Variants in LMBR1 observed in about 807,000 individuals in gnomAD.
LMBR1 encodes the protein limb development membrane protein 1, also known as limb region 1 protein homolog.
A neutral mutation model predicts 73.9 loss-of-function variants in LMBR1; 52 were observed. The observed-to-expected ratio is 0.70, with a 90% CI of 0.56 to 0.89. LMBR1 has a LOEUF of 0.89. Ranked by LOEUF, LMBR1 falls within the 40% of genes least tolerant of loss-of-function variation. The probability of loss-of-function intolerance (pLI) is 0.00; values close to 1 mark genes in which losing one functional copy is unlikely to be tolerated. For synonymous variants in LMBR1, 215 were observed against 209.4 expected (o/e 1.03, Z -0.23); for missense variants, 539 against 579.8 (o/e 0.93, Z 0.72).
intron 9 of LMBR1, among the ~76,000 whole-genome samples, chr7:156,751,803 G>A (rs1357712983): frequency 6.6e-6 from 1 of 152,202 alleles, no homozygotes; most frequent in Non-Finnish European, 1.5e-5. Context: ...GGCAAAAGCA[G>A]CAAAATCTAG....
At chr7:156,724,499 A>G (rs1356966835) in intron 14 of LMBR1, among the ~76,000 whole-genome samples, 5 of 152,158 alleles carry the variant, frequency 3.3e-5, no homozygotes, top group African/African-American at 1.2e-4. Flanking sequence ...CTGTCAAGCA[A>G]AAAATAATTA....
downstream of LMBR1, among the ~76,000 whole-genome samples, chr7:156,674,835 C>T (rs889106078): frequency 6.6e-6 from 1 of 152,164 alleles, no homozygotes; most frequent in Non-Finnish European, 1.5e-5. Flanking sequence ...AAATTACATA[C>T]GTAGCTCACA....
intron 10 of LMBR1, among the ~76,000 whole-genome samples, chr7:156,730,317 C>T (rs1357394494): frequency 6.6e-6 from 1 of 152,196 alleles, no homozygotes; most frequent in East Asian, 1.9e-4. Context: ...AAGCTTCTGT[C>T]AGGCTCATGT....
intron 1 of LMBR1, among the ~76,000 whole-genome samples, chr7:156,838,209 ATATT>A (rs1838006719): frequency 6.6e-6 from 1 of 152,222 alleles, no homozygotes; most frequent in Non-Finnish European, 1.5e-5. Flanking sequence ...ATTACCTCAA[ATATT>A]TATAATTTTT....
rs1413436705 is a variant in LMBR1 at position 156,681,491 on chromosome 7, A to T, written c.*2587T>A. 6.4e-6 allele frequency: 1 copy of T among 156,220 alleles called. No individual in the cohort carries two copies. The highest frequency in any genetic ancestry group is 6.5e-5 in the Admixed American group (1 of 15,376). 9.7% of individuals were successfully genotyped at this position (156,220 alleles called of 1,614,324 possible). ...GAAGTATCTTGGAAAATCAGTAAAA[A>T]TTAATACAAATGTTATAATCTGAAA... On this transcript the variant is annotated 3_prime_UTR_variant, in exon 17 of 17. Transcript: ENST00000353442.
At chr7:156,723,183 C>T (rs1814980110) in intron 15 of LMBR1, among the ~76,000 whole-genome samples, 1 of 152,022 alleles carries the variant, frequency 6.6e-6, no homozygotes, top group Admixed American at 6.6e-5. Context: ...ACATGAAATC[C>T]TTTGTAAGAA....
chr7:156,847,321 C>A (rs529895743), intron 1 of LMBR1, among the ~76,000 whole-genome samples: 1 of 152,202 alleles, frequency 6.6e-6, no homozygotes, highest in South Asian at 2.1e-4. Context: ...ATGCAAAACA[C>A]AAAACTGTGA....
At chr7:156,830,496 T>C (rs956263681) in intron 3 of LMBR1, among the ~76,000 whole-genome samples, 3 of 152,238 alleles carry the variant, frequency 2.0e-5, no homozygotes, top group South Asian at 2.1e-4. Context: ...GTAAGATGTA[T>C]ATAGTGTTGA....
chr7:156,856,173 C>A (rs762039060), intron 1 of LMBR1, among the ~76,000 whole-genome samples: 2 of 151,588 alleles, frequency 1.3e-5, no homozygotes, highest in African/African-American at 4.9e-5. Flanking sequence ...CCAGCCAGGG[C>A]GACAGAGCAA....
At chr7:156,827,814 T>C (rs966271143) in intron 3 of LMBR1, among the ~76,000 whole-genome samples, 7 of 152,198 alleles carry the variant, frequency 4.6e-5, no homozygotes, top group African/African-American at 1.7e-4. Flanking sequence ...GTATTCCTAC[T>C]TCAAAAGCCA....
rs768746253 is a variant in LMBR1 at position 156,892,945 on chromosome 7, G to A, written c.49C>T (p.Gln17Ter). ...VSAREQHFHS[Q>*]VRESTICFLL... ...CCACGCACCGTGGACTCCCGCACTT[G>A]GCTGTGGAAGTGCTGCTCCCGCGCC... The change falls in exon 1 of 17, where the codon CAA (glutamine) becomes TAA (stop). Residue 17 changes from glutamine (Q) to a stop codon, truncating the protein, a stop_gained. Transcript: ENST00000353442. LOFTEE classifies it high-confidence loss of function. The A allele has an allele frequency of 1.1e-5, 17 of 1,541,648 alleles. No homozygotes were observed. The highest frequency in any genetic ancestry group is 1.5e-5 in the Non-Finnish European group (17 of 1,151,626).
At chr7:156,686,930 G>C (rs1207430413) in intron 16 of LMBR1, among the ~76,000 whole-genome samples, 1 of 152,208 alleles carries the variant, frequency 6.6e-6, no homozygotes, top group Admixed American at 6.5e-5. Context: ...AAAGGTATAA[G>C]TTATCTGGTG....
At chr7:156,806,115 G>A (rs890081422) in intron 4 of LMBR1, among the ~76,000 whole-genome samples, 2 of 151,718 alleles carry the variant, frequency 1.3e-5, no homozygotes, top group Non-Finnish European at 2.9e-5. Context: ...AAGTGTCTTC[G>A]AATCCATGAA....
chr7:156,874,586 G>A (rs866149266), intron 1 of LMBR1, among the ~76,000 whole-genome samples: 9 of 152,350 alleles, frequency 5.9e-5, no homozygotes, highest in Middle Eastern at 3.4e-3. Flanking sequence ...TGCAGTTATC[G>A]ACAGCTGAGA....
At chr7:156,731,229 T>C (rs1248719165) in intron 10 of LMBR1, among the ~76,000 whole-genome samples, 1 of 151,986 alleles carries the variant, frequency 6.6e-6, no homozygotes, top group Non-Finnish European at 1.5e-5. Context: ...GGAGAAAATA[T>C]CAGACTGAAG....
At chr7:156,810,790 T>C (rs1163376779) in intron 4 of LMBR1, among the ~76,000 whole-genome samples, 2 of 151,988 alleles carry the variant, frequency 1.3e-5, no homozygotes, top group African/African-American at 2.4e-5. Flanking sequence ...TGTTTCACTT[T>C]CACATAGTTT....
intron 1 of LMBR1, among the ~76,000 whole-genome samples, chr7:156,841,109 C>T (rs1838633788): frequency 6.6e-6 from 1 of 151,890 alleles, no homozygotes; most frequent in African/African-American, 2.4e-5. Context: ...ACATGGAATT[C>T]TGGGCACGTT....
At chr7:156,858,995 T>C (rs1266947066) in intron 1 of LMBR1, among the ~76,000 whole-genome samples, 1 of 152,180 alleles carries the variant, frequency 6.6e-6, no homozygotes, top group African/African-American at 2.4e-5. Context: ...GGCTCAGACC[T>C]GTAATCCCAG....
At chr7:156,817,778 A>AT (rs922758690) in intron 4 of LMBR1, among the ~76,000 whole-genome samples, 1 of 152,182 alleles carries the variant, frequency 6.6e-6, no homozygotes, top group African/African-American at 2.4e-5. Flanking sequence ...CCTTCCAGGT[A>AT]TTTTTTGATG....
Sources: gnomAD v4.1 joint callset for allele counts (sites outside exome capture counted in the v4.1 genomes callset) on GRCh38, gnomAD v4.1.1 for gene constraint, MANE v1.5 for transcripts, NCBI Gene and HGNC (gene_info 2026-07-23, HGNC 2026-07-21) for gene names.